Variants in PSG11 observed in about 807,000 individuals in gnomAD.
The protein encoded by PSG11 is pregnancy-specific beta-1-glycoprotein 11.
A neutral mutation model predicts 36.0 loss-of-function variants in PSG11; 42 were observed. That is an observed-to-expected ratio of 1.17 (90% CI 0.91 to 1.51). The LOEUF (loss-of-function observed/expected upper bound fraction) is 1.51, where lower values mean the gene tolerates loss of function less well. PSG11 is among the 40% of genes most tolerant of loss of function. The probability of loss-of-function intolerance (pLI) is 0.00; values close to 1 mark genes in which losing one functional copy is unlikely to be tolerated. For synonymous variants in PSG11, 206 were observed against 153.5 expected (o/e 1.34, Z -2.53); for missense variants, 558 against 403.5 (o/e 1.38, Z -3.28).
rs1490224634 is a variant in PSG11, at chr19:43,025,196, C to G, written c.65-140G>C. 6 of 1,358,238 alleles carry G rather than the reference C, an allele frequency of 4.4e-6. 1 individual carries two copies. In the East Asian group the frequency reaches 7.0e-5, roughly 16 times the overall value. The allele number at this position is 1,358,238 out of a possible 1,614,324, so 84.1% of individuals were successfully genotyped here. On this transcript the variant is annotated intron_variant, in intron 1 of 5. Transcript: ENST00000320078. ...ACACACACACACACATACAAACATA[C>G]ACACACAGAAAAGGGGCATGTGTGT...
In PSG11 at chr19:43,009,114, T is replaced by C. The variant is rs533678438; in HGVS notation, c.*40+844A>G. 2.6e-4 allele frequency among the ~76,000 whole-genome samples: 39 copies of C among 151,402 alleles called. 1 individual carries two copies. Among genetic ancestry groups the C allele is most frequent in the Non-Finnish European group, 5.2e-4 (35 of 67,870 alleles). On this transcript the variant is annotated intron_variant, in intron 5 of 5. Transcript: ENST00000320078. ...AGGTCTCATTTCCTGTCTTAGGCTT[T>C]GTGTCTCCTGGGGTGGGGCCCTTGC... is the stretch of plus-strand genomic sequence containing the variant.
intron 4 of PSG11, chr19:43,010,467 A>G (rs2122783648): frequency 1.6e-6 from 2 of 1,218,304 alleles, no homozygotes; most frequent in Non-Finnish European, 2.3e-6. Flanking sequence ...TTTCAAATTC[A>G]CCACCTCCTT....
intron 4 of PSG11, 88 bp from the exon 5 acceptor site, chr19:43,010,129 C>G (rs1974037185): frequency 2.0e-6 from 3 of 1,526,100 alleles, no homozygotes; most frequent in Non-Finnish European, 2.7e-6. Context: ...ACATGAGATA[C>G]TGTATAATTG....
intron 4 of PSG11, among the ~76,000 whole-genome samples, chr19:43,011,765 C>G (rs1294291827): frequency 6.6e-6 from 1 of 150,656 alleles, no homozygotes; most frequent in Non-Finnish European, 1.5e-5. Flanking sequence ...GTGACATGCA[C>G]CTGTAGTCCT....
chr19:43,013,359 G>T (rs1335575253), intron 4 of PSG11, among the ~76,000 whole-genome samples: 2 of 151,390 alleles, frequency 1.3e-5, no homozygotes, highest in African/African-American at 4.9e-5. Flanking sequence ...CAAATTATAT[G>T]TGTGATAAGA....
intron 4 of PSG11, among the ~76,000 whole-genome samples, chr19:43,012,739 T>C (rs1284705326): frequency 2.0e-5 from 3 of 151,460 alleles, no homozygotes; most frequent in Admixed American, 6.6e-5. Flanking sequence ...TTCAATGCAA[T>C]TCCTTCAGAA....
At chr19:43,017,555 T>C (rs1013545273) in intron 3 of PSG11, 1 of 151,564 alleles carries the variant, frequency 6.6e-6, no homozygotes, top group African/African-American at 2.4e-5. Context: ...TTTTCATGGT[T>C]GCATCTTTTT....
At position 43,024,861 on chromosome 19, in the gene PSG11, T is replaced by G; in HGVS notation, c.260A>C (p.Gln87Pro). ...HYITSYVVDG[Q>P]IIIYGPAYSG... ...GTATGCCGGTCCATATATAATTATT[T>G]GACCGTCTACTACATATGATGTAAT... Residue 87 changes from glutamine to proline, a missense_variant, in exon 2 of 6, where the codon CAA becomes CCA. Gln to Pro is a moderately conservative substitution (Grantham distance 76, BLOSUM62 -1). Coordinates refer to ENST00000320078, the MANE Select transcript of PSG11 (RefSeq NM_002785.3). 3 of 1,611,882 alleles carry G rather than the reference T, an allele frequency of 1.9e-6. 1 individual carries two copies. Among genetic ancestry groups the G allele is most frequent in the Non-Finnish European group, 2.5e-6 (3 of 1,179,084 alleles).
intron 3 of PSG11, 74 bp downstream of exon 3, chr19:43,018,696 A>T: frequency 6.2e-7 from 1 of 1,610,276 alleles, no homozygotes; most frequent in Non-Finnish European, 8.5e-7. Flanking sequence ...CCTGAGAGGG[A>T]CTGAGAGGCC....
chr19:43,010,475 C>T (rs1192353798), intron 4 of PSG11: 2 of 1,139,454 alleles, frequency 1.8e-6, no homozygotes, highest in East Asian at 2.8e-5. Context: ...TCACCACCTC[C>T]TTTGCACAGA....
intron 2 of PSG11, among the ~76,000 whole-genome samples, chr19:43,020,772 A>G (rs1313695047): frequency 2.0e-5 from 3 of 151,214 alleles, no homozygotes; most frequent in African/African-American, 7.4e-5. Flanking sequence ...ATGCCAAATT[A>G]AAAGAAGTGA....
intron 2 of PSG11, among the ~76,000 whole-genome samples, chr19:43,023,309 C>T (rs1342081642): frequency 1.3e-5 from 2 of 150,672 alleles, no homozygotes; most frequent in Non-Finnish European, 1.5e-5. Flanking sequence ...TCATTCCATT[C>T]CTTCATTTGT....
At chr19:43,009,698 A>G (rs566415033) in intron 5 of PSG11, among the ~76,000 whole-genome samples, 1 of 150,142 alleles carries the variant, frequency 6.7e-6, no homozygotes, top group African/African-American at 2.4e-5. Context: ...AGAAGGTTTC[A>G]CCATGTGAAA....
intron 2 of PSG11, among the ~76,000 whole-genome samples, chr19:43,023,521 G>A (rs555235213): frequency 3.3e-5 from 5 of 151,126 alleles, no homozygotes; most frequent in African/African-American, 1.2e-4. Flanking sequence ...TGACTTTGAT[G>A]GTTGAAGCAG....
rs137992026 is a variant in PSG11, at chr19:43,019,430, T to C, written c.431-382A>G. 64 of 228,762 alleles carry C rather than the reference T, an allele frequency of 2.8e-4. 4 individuals carry two copies. The highest frequency in any genetic ancestry group is 1.4e-3 in the African/African-American group (64 of 44,390). The allele number at this position is 228,762 out of a possible 1,614,324, so 14.2% of individuals were successfully genotyped here. The stretch of plus-strand genomic sequence containing the variant: ...GAATCTTCTTAGTTTCAGTCTTACT[T>C]TTCCCCCCAAGGTATGTTTTCTCTG... On this transcript the variant is annotated intron_variant, in intron 2 of 5. Transcript: ENST00000320078.
chr19:43,009,999 T>C lies in PSG11; in HGVS notation c.1007A>G (p.Ter336TrpextTer3), dbSNP rs1974032590. 1.9e-6 allele frequency: 3 copies of C among 1,607,546 alleles called. No individual in the cohort carries two copies. The highest frequency in any genetic ancestry group is 2.6e-6 in the Non-Finnish European group (3 of 1,175,380). ...AATACAAAAATGACATCACGGCTGC[T>C]ACGTTGGATTATTGAAAGCAAAAGT... ...LGTFAFNNPT[*>W] is the part of the protein sequence containing the mutation. The change falls in exon 5 of 6, where the codon TAG (stop) becomes TGG (tryptophan). Residue 336 changes from the stop codon to tryptophan, a stop_lost. Coordinates refer to ENST00000320078, the MANE Select transcript of PSG11 (RefSeq NM_002785.3).
At chr19:43,012,689 T>C (rs1201103523) in intron 4 of PSG11, among the ~76,000 whole-genome samples, 1 of 151,520 alleles carries the variant, frequency 6.6e-6, no homozygotes, top group East Asian at 1.9e-4. Context: ...GAAGACTCAA[T>C]ATTGTTAGGA....
chr19:43,008,691 T>G (rs912971407), intron 5 of PSG11, among the ~76,000 whole-genome samples: 20 of 151,406 alleles, frequency 1.3e-4, no homozygotes, highest in African/African-American at 4.9e-4. Context: ...TAAGGTGGCT[T>G]TTCCATTCAG....
rs144454513 is a variant in PSG11 at position 43,015,181 on chromosome 19, G to A, written c.899C>T (p.Ala300Val). The A allele has an allele frequency of 2.2e-5, 36 of 1,611,368 alleles. No individual in the cohort carries two copies. The African/African-American group carries it at 3.2e-4, about 14-fold the overall frequency. ...AGTGGCTGAGTTACGAGCAGAGCAA[G>A]CATAGAGCCCATTATGCTTTGGAGT... is the stretch of plus-strand genomic sequence containing the variant. ...QITPKHNGLY[A>V]CSARNSATGE... Residue 300 changes from alanine (A) to valine (V), a missense_variant, in exon 4 of 6, where the codon GCT becomes GTT. Coordinates refer to ENST00000320078, the MANE Select transcript of PSG11 (RefSeq NM_002785.3).
Sources: gnomAD v4.1 joint callset for allele counts (sites outside exome capture counted in the v4.1 genomes callset) on GRCh38, gnomAD v4.1.1 for gene constraint, MANE v1.5 for transcripts, NCBI Gene and HGNC (gene_info 2026-07-23, HGNC 2026-07-21) for gene names.